TENM4: variants seen among roughly 807,000 people sequenced by gnomAD.
The protein encoded by TENM4 is teneurin transmembrane protein 4, also known as teneurin-4.
A neutral mutation model predicts 243.3 loss-of-function variants in TENM4; 82 were observed. The observed-to-expected ratio is 0.34, with a 90% CI of 0.28 to 0.40. The LOEUF is 0.40. Among genes scored for constraint, TENM4 ranks in the 10% least tolerant of loss-of-function variants. The pLI is 1.00. For missense variants in TENM4, 3,138 were observed against 3,673.3 expected (o/e 0.85, Z 3.77); for synonymous variants, 1,412 against 1,456.3 (o/e 0.97, Z 0.69).
rs1292895835 is a variant in TENM4, at chr11:79,417,256, C to G, written c.-321+23253G>C. On this transcript the variant is annotated intron_variant, in intron 1 of 33. Coordinates refer to ENST00000278550, the MANE Select transcript of TENM4 (RefSeq NM_001098816.3). ...TTTCCTTTAGCCCAGAGACTAAGTC[C>G]TGGCACCAAGGGCAAGGCAGTGTAG... Among the ~76,000 whole-genome samples, 4 of 152,324 alleles carry G rather than the reference C, an allele frequency of 2.6e-5. No homozygotes were observed. The East Asian group carries it at 5.8e-4, about 22-fold the overall frequency.
chr11:79,246,129 A>G (rs1050514947), intron 2 of TENM4, among the ~76,000 whole-genome samples: 13 of 152,112 alleles, frequency 8.5e-5, no homozygotes, highest in Admixed American at 6.6e-5. Context: ...AGGGGGCCAG[A>G]AGCATGGCCT....
At position 79,083,681 on chromosome 11, in the gene TENM4, C is replaced by G. The variant is rs533820007; in HGVS notation, c.-65-13672G>C. On this transcript the variant is annotated intron_variant, in intron 4 of 33. Transcript: ENST00000278550. ...GTGAGAGCCTTCCTGGCGGCCCTAACTCCATATGCCTTAGAACCTCACAAG... is the reference window on the plus strand; with the variant it reads ...GTGAGAGCCTTCCTGGCGGCCCTAAGTCCATATGCCTTAGAACCTCACAAG... Among the ~76,000 whole-genome samples, 11 of 152,348 alleles carry G rather than the reference C, an allele frequency of 7.2e-5. 1 individual carries two copies. The East Asian group carries it at 2.1e-3, about 29-fold the overall frequency.
In TENM4 at chr11:78,712,670, C is replaced by G. The variant is rs1308049734; in HGVS notation, c.3866G>C (p.Ser1289Thr). 6.2e-7 allele frequency: 1 copy of G among 1,614,000 alleles called. No individual in the cohort carries two copies. The highest frequency in any genetic ancestry group is 1.3e-5 in the African/African-American group (1 of 75,036). Residue 1289 changes from serine (S) to threonine (T), a missense_variant, in exon 26 of 34, where the codon AGT (serine) becomes ACT (threonine). Transcript: ENST00000278550. The stretch of plus-strand genomic sequence containing the variant: ...GCTGTCAGAAAGGAAGACGGCCCCA[C>G]TCATGGGGTCTGTGGCCAGGTAGTA... ...HKYYLATDPMSGAVFLSDSNS... is the reference protein window; with the variant it reads ...HKYYLATDPMTGAVFLSDSNS...
At chr11:79,269,008 C>T (rs192109044) in intron 2 of TENM4, among the ~76,000 whole-genome samples, 8 of 152,298 alleles carry the variant, frequency 5.3e-5, no homozygotes, top group African/African-American at 1.9e-4. Flanking sequence ...AGAACACACA[C>T]GAAACCAGAT....
chr11:79,078,049 A>G (rs1175698975), intron 4 of TENM4, among the ~76,000 whole-genome samples: 2 of 152,168 alleles, frequency 1.3e-5, no homozygotes, highest in South Asian at 2.1e-4. Context: ...ATATTTATGA[A>G]GGGGCAGGAG....
intron 4 of TENM4, among the ~76,000 whole-genome samples, chr11:79,107,466 C>G (rs924865200): frequency 1.3e-5 from 2 of 152,142 alleles, no homozygotes; most frequent in Non-Finnish European, 2.9e-5. Flanking sequence ...ATTTTCCTTC[C>G]TTGTCTGACT....
rs544072791 is a variant in TENM4, at chr11:78,999,823, A to T, written c.493+64915T>A. ...GAGGAGAAAGAGAGAAACCAGAGAA[A>T]GAGAAGAGAGAGGTGCAGAGGAAAT... On this transcript the variant is annotated intron_variant, in intron 6 of 33. Coordinates refer to ENST00000278550, the MANE Select transcript of TENM4 (RefSeq NM_001098816.3). Among the ~76,000 whole-genome samples the T allele has an allele frequency of 2.0e-5, 3 of 150,966 alleles. No individual in the cohort carries two copies. The East Asian group carries it at 5.8e-4, about 29-fold the overall frequency.
chr11:78,696,117 C>T (rs1289355982), intron 28 of TENM4, among the ~76,000 whole-genome samples: 1 of 151,814 alleles, frequency 6.6e-6, no homozygotes, highest in South Asian at 2.1e-4. Flanking sequence ...TGGGTAATTT[C>T]TATTAACCAT....
At chr11:79,048,840 C>T (rs1859725924) in intron 6 of TENM4, among the ~76,000 whole-genome samples, 1 of 152,160 alleles carries the variant, frequency 6.6e-6, no homozygotes, top group Non-Finnish European at 1.5e-5. Flanking sequence ...AACCATGTTA[C>T]AGGATGGGCA....
intron 7 of TENM4, among the ~76,000 whole-genome samples, chr11:78,900,436 A>G (rs1855901943): frequency 6.6e-6 from 1 of 152,192 alleles, no homozygotes; most frequent in African/African-American, 2.4e-5. Context: ...AGTAGAGAAG[A>G]GGTAGAACCT....
In TENM4 at chr11:79,258,797, G is replaced by A. The variant is rs145047778; in HGVS notation, c.-265+38691C>T. On this transcript the variant is annotated intron_variant, in intron 2 of 33. Coordinates refer to ENST00000278550, the MANE Select transcript of TENM4 (RefSeq NM_001098816.3). ...CTTTTTAAGCAAGTGCTCCCCCACC[G>A]GCTCCCTGGCTCACTAGAATGATGT... Among the ~76,000 whole-genome samples, 469 of 152,242 alleles carry A rather than the reference G, an allele frequency of 3.1e-3. 1 individual carries two copies. The highest frequency in any genetic ancestry group is 4.1e-3 in the Non-Finnish European group (277 of 68,020).
chr11:79,067,949 T>C (rs909520926), intron 5 of TENM4: 1 of 152,170 alleles, frequency 6.6e-6, no homozygotes, highest in Non-Finnish European at 1.5e-5. Context: ...TCCAGGGTGA[T>C]AATTTGAAGG....
chr11:79,204,405 A>G (rs761357126), intron 3 of TENM4, among the ~76,000 whole-genome samples: 1 of 152,148 alleles, frequency 6.6e-6, no homozygotes, highest in Non-Finnish European at 1.5e-5. Context: ...CATTCAACAA[A>G]TCTTGAGCCC....
intron 12 of TENM4, among the ~76,000 whole-genome samples, chr11:78,839,144 A>G (rs1260164895): frequency 6.6e-6 from 1 of 152,202 alleles, no homozygotes; most frequent in African/African-American, 2.4e-5. Context: ...AATTTCTTCC[A>G]TACTTTCATC....
intron 1 of TENM4, among the ~76,000 whole-genome samples, chr11:79,416,329 A>C (rs1858813055): frequency 6.6e-6 from 1 of 152,196 alleles, no homozygotes; most frequent in African/African-American, 2.4e-5. Context: ...TGTTCTCTGA[A>C]GTAGTAGTCT....
At chr11:79,417,650 T>C (rs571955929) in intron 1 of TENM4, among the ~76,000 whole-genome samples, 2 of 152,350 alleles carry the variant, frequency 1.3e-5, no homozygotes, top group South Asian at 4.1e-4. Context: ...TCCTGGATAA[T>C]GCTCATGACA....
In TENM4 at chr11:78,814,207, G is replaced by A. The variant is rs1335759311; in HGVS notation, c.1783+87C>T. On this transcript the variant is annotated intron_variant, in intron 13 of 33. Transcript: ENST00000278550. ...CTCGTGGGCATCAGAAGGTGGGCTGGATTCTGCACTTGCTCTGAGAAGTAG... is the reference window on the plus strand; with the variant it reads ...CTCGTGGGCATCAGAAGGTGGGCTGAATTCTGCACTTGCTCTGAGAAGTAG... 13 of 1,306,854 alleles carry A rather than the reference G, an allele frequency of 9.9e-6. No individual in the cohort carries two copies. In the East Asian group the frequency reaches 1.6e-4, roughly 16 times the overall value. The allele number at this position is 1,306,854 out of a possible 1,614,324, so 81.0% of individuals were successfully genotyped here.
intron 9 of TENM4, among the ~76,000 whole-genome samples, chr11:78,875,122 G>A (rs936201352): frequency 6.6e-6 from 1 of 152,206 alleles, no homozygotes; most frequent in African/African-American, 2.4e-5. Flanking sequence ...GGTGCAAACC[G>A]CCGCCCCAGT....
chr11:79,103,596 C>T (rs1252965461), intron 4 of TENM4, among the ~76,000 whole-genome samples: 3 of 152,178 alleles, frequency 2.0e-5, no homozygotes, highest in African/African-American at 7.2e-5. Context: ...GATGCACCAT[C>T]GATTCAGTAA....
Sources: gnomAD v4.1 joint callset for allele counts (sites outside exome capture counted in the v4.1 genomes callset) on GRCh38, gnomAD v4.1.1 for gene constraint, MANE v1.5 for transcripts, NCBI Gene and HGNC (gene_info 2026-07-23, HGNC 2026-07-21) for gene names.